The following RUBCN variants were observed in gnomAD, a reference collection of about 807,000 sequenced individuals.
RUBCN encodes the protein rubicon autophagy regulator.
Under a neutral mutation model 113.2 loss-of-function variants are expected in RUBCN, and 74 were observed. The ratio of observed to expected loss-of-function variants is 0.65; its 90% CI spans 0.54 to 0.79. The LOEUF (loss-of-function observed/expected upper bound fraction) is 0.79. Ranked by LOEUF, RUBCN falls within the 30% of genes least tolerant of loss-of-function variation. The probability of loss-of-function intolerance (pLI) is 0.00; values close to 1 mark genes in which losing one functional copy is unlikely to be tolerated. For missense variants in RUBCN, 1,109 were observed against 1,251.7 expected (o/e 0.89, Z 1.72); for synonymous variants, 480 against 490.0 (o/e 0.98, Z 0.27).
rs937853746 is a variant in RUBCN, at chr3:197,675,964, T to C, written c.2647-449A>G. ...TTCCTCCCAGACACACAGGGTTTCC[T>C]ACCTGTGCCCAGCTCGAATTATGGG... On this transcript the variant is annotated intron_variant, in intron 18 of 19. Coordinates refer to ENST00000296343, the MANE Select transcript of RUBCN (RefSeq NM_014687.4). The surrounding 1 kb of genome is among the most constrained non-coding windows in gnomAD (Gnocchi z 4.4). 6.6e-6 allele frequency among the ~76,000 whole-genome samples: 1 copy of C among 152,218 alleles called. No individual in the cohort carries two copies. Among genetic ancestry groups the C allele is most frequent in the Non-Finnish European group, 1.5e-5 (1 of 68,036 alleles).
intron 2 of RUBCN, among the ~76,000 whole-genome samples, chr3:197,717,018 G>C (rs1725588577): frequency 6.6e-6 from 1 of 152,226 alleles, no homozygotes; most frequent in Non-Finnish European, 1.5e-5. Context: ...CTACTTGGGA[G>C]GCTGAGGTGG....
chr3:197,747,754 C>T (rs1310496469), intron 1 of RUBCN, among the ~76,000 whole-genome samples: 1 of 152,080 alleles, frequency 6.6e-6, no homozygotes, highest in Non-Finnish European at 1.5e-5. Flanking sequence ...ATGACTTGTG[C>T]TTAGAGGATT....
rs1721547513 is a variant in RUBCN at position 197,683,973 on chromosome 3, C to T, written c.1847+184G>A. 6.6e-6 allele frequency among the ~76,000 whole-genome samples: 1 copy of T among 152,302 alleles called. No homozygotes were observed. The highest frequency in any genetic ancestry group is 2.1e-4 in the South Asian group (1 of 4,822). On this transcript the variant is annotated intron_variant, in intron 12 of 19. Coordinates refer to ENST00000296343, the MANE Select transcript of RUBCN (RefSeq NM_014687.4). The surrounding 1 kb of genome is among the most constrained non-coding windows in gnomAD (Gnocchi z 4.6). ...GCTTTGCCTCCACGAGAGCCCATCC[C>T]ACTGGGACCAAAGAGCTTCTGCTTT...
chr3:197,696,079 G>C (rs1722967786), intron 8 of RUBCN, 98 bp from the exon 9 acceptor site: 1 of 1,173,334 alleles, frequency 8.5e-7, no homozygotes, highest in African/African-American at 1.5e-5. Context: ...AGGTAACTGG[G>C]AATTAGAGGT....
In RUBCN at chr3:197,670,508, G is replaced by A. The variant is rs950054808; in HGVS notation, c.*4510C>T. Among the ~76,000 whole-genome samples, 2 of 152,200 alleles carry A rather than the reference G, an allele frequency of 1.3e-5. No individual in the cohort carries two copies. The highest frequency in any genetic ancestry group is 2.9e-5 in the Non-Finnish European group (2 of 68,044). Reference sequence around the variant, plus strand: ...TTAAATGTTGAGAACAGAAGTTTGGGAACTTACTGGAAATCAAGCTTTGGC... The same window carrying A: ...TTAAATGTTGAGAACAGAAGTTTGGAAACTTACTGGAAATCAAGCTTTGGC... On this transcript the variant is annotated 3_prime_UTR_variant, in exon 20 of 20. Transcript: ENST00000296343.
At chr3:197,716,988 G>A (rs146920354) in intron 2 of RUBCN, among the ~76,000 whole-genome samples, 18 of 152,290 alleles carry the variant, frequency 1.2e-4, no homozygotes, top group Admixed American at 2.6e-4. Flanking sequence ...AGGTGTGGTT[G>A]CATGTGCCCG....
At position 197,674,645 on chromosome 3, in the gene RUBCN, G is replaced by T; in HGVS notation, c.*373C>A. ...CAGAAGCTCCAGAACTGAAACAAAG[G>T]AAAATTGGAAATGATACCTGACATG... On this transcript the variant is annotated 3_prime_UTR_variant, in exon 20 of 20. Coordinates refer to ENST00000296343, the MANE Select transcript of RUBCN (RefSeq NM_014687.4). The T allele has an allele frequency of 2.4e-6, 1 of 418,454 alleles. No individual in the cohort carries two copies. The allele number at this position is 418,454 out of a possible 1,614,324, so 25.9% of individuals were successfully genotyped here. A position where few individuals can be genotyped will look rare whatever the true frequency, so the allele number is the denominator to read the frequency against.
At chr3:197,731,789 G>A (rs373751863) in intron 1 of RUBCN, among the ~76,000 whole-genome samples, 16 of 151,724 alleles carry the variant, frequency 1.1e-4, no homozygotes, top group East Asian at 7.8e-4. Context: ...GCGGCTGGCC[G>A]GGCGGGGGGC....
intron 11 of RUBCN, among the ~76,000 whole-genome samples, chr3:197,690,445 A>G (rs1290844883): frequency 6.6e-6 from 1 of 152,236 alleles, no homozygotes; most frequent in Non-Finnish European, 1.5e-5. Flanking sequence ...TCTCAAAAAA[A>G]ATACAAAAGT....
Position 197,675,329 on chromosome 3 carries a change from G to A in RUBCN, c.2740+93C>T. ...CTGGGGAGGCCCCGCGAGGTGCTGA[G>A]TGGCACCGAACTCTTGCTAACAGGG... On this transcript the variant is annotated intron_variant, in intron 19 of 19. Coordinates refer to ENST00000296343, the MANE Select transcript of RUBCN (RefSeq NM_014687.4). The surrounding 1 kb of genome is among the most constrained non-coding windows in gnomAD (Gnocchi z 4.4). 1 of 1,497,364 alleles carries A rather than the reference G, an allele frequency of 6.7e-7. No individual in the cohort carries two copies. The highest frequency in any genetic ancestry group is 1.1e-5 in the South Asian group (1 of 88,560). 92.8% of individuals were successfully genotyped at this position (1,497,364 alleles called of 1,614,324 possible).
At chr3:197,705,596 A>T (rs113006308) in intron 2 of RUBCN, among the ~76,000 whole-genome samples, 4,375 of 143,474 alleles carry the variant, frequency 0.03, 138 homozygotes, top group African/African-American at 0.08. Flanking sequence ...AAAAGGAATT[A>T]AAAAAAAAAA....
At chr3:197,737,711 G>A (rs566135267), upstream of RUBCN, among the ~76,000 whole-genome samples, 28 of 152,284 alleles carry the variant, frequency 1.8e-4, no homozygotes, top group African/African-American at 5.8e-4. Flanking sequence ...AATCTGATGA[G>A]AAAGCCACTT....
intron 7 of RUBCN, 133 bp downstream of exon 7, chr3:197,700,480 A>G (rs1723518885): frequency 1.2e-6 from 1 of 824,440 alleles, no homozygotes; most frequent in Non-Finnish European, 2.0e-6. Context: ...AACTTCTTTC[A>G]TTACAAAATA....
At chr3:197,733,785 A>G (rs561607647) in intron 1 of RUBCN, among the ~76,000 whole-genome samples, 5 of 152,368 alleles carry the variant, frequency 3.3e-5, no homozygotes, top group African/African-American at 7.2e-5. Flanking sequence ...AGTTTTGATT[A>G]AAGTTTTTTG....
At position 197,681,078 on chromosome 3, in the gene RUBCN, T is replaced by A; in HGVS notation, c.2430+51A>T. 1.0e-6 allele frequency: 1 copy of A among 965,154 alleles called. No individual in the cohort carries two copies. The highest frequency in any genetic ancestry group is 1.6e-6 in the Non-Finnish European group (1 of 639,014). The allele number at this position is 965,154 out of a possible 1,614,324, so 59.8% of individuals were successfully genotyped here. A position where few individuals can be genotyped will look rare whatever the true frequency, so the allele number is the denominator to read the frequency against. On this transcript the variant is annotated intron_variant, in intron 16 of 19. Transcript: ENST00000296343. The surrounding 1 kb of genome is among the most constrained non-coding windows in gnomAD (Gnocchi z 5.5). ...ACGGGGGAGGGACGAGGGGAGGGGATGAGGGGAGGAGAAGGGCAAGACTCT... is the reference window on the plus strand; with the variant it reads ...ACGGGGGAGGGACGAGGGGAGGGGAAGAGGGGAGGAGAAGGGCAAGACTCT...
Position 197,704,428 on chromosome 3 carries a change from C to T in RUBCN, c.463+114G>A, listed in dbSNP as rs1724049913. The T allele has an allele frequency of 5.1e-6, 5 of 986,306 alleles. No individual in the cohort carries two copies. In the Admixed American group the frequency reaches 8.5e-5, roughly 17 times the overall value. The allele number at this position is 986,306 out of a possible 1,614,324, so 61.1% of individuals were successfully genotyped here. On this transcript the variant is annotated intron_variant, in intron 4 of 19. Coordinates refer to ENST00000296343, the MANE Select transcript of RUBCN (RefSeq NM_014687.4). ...CAGCCTGGGTGACAAGAGCGTAAGTCCATCTCAAAGAAAAAAAGAAAAATA... is the reference window on the plus strand; with the variant it reads ...CAGCCTGGGTGACAAGAGCGTAAGTTCATCTCAAAGAAAAAAAGAAAAATA...
Position 197,672,303 on chromosome 3 carries a change from G to A in RUBCN, c.*2715C>T, listed in dbSNP as rs958737760. On this transcript the variant is annotated 3_prime_UTR_variant, in exon 20 of 20. Transcript: ENST00000296343. ...ACTTACAGAAAGAACACTATCACCT[G>A]CCTTCATTTAGAAGGAATTCTCTTC... The A allele has an allele frequency of 6.6e-6, 1 of 152,098 alleles. No homozygotes were observed. The highest frequency in any genetic ancestry group is 2.4e-5 in the African/African-American group (1 of 41,394). The allele number at this position is 152,098 out of a possible 1,614,324, so 9.4% of individuals were successfully genotyped here. A position where few individuals can be genotyped will look rare whatever the true frequency, so the allele number is the denominator to read the frequency against.
At position 197,690,042 on chromosome 3, in the gene RUBCN, G is replaced by A. The variant is rs555062494; in HGVS notation, c.1786+3673C>T. Among the ~76,000 whole-genome samples, 25 of 152,284 alleles carry A rather than the reference G, an allele frequency of 1.6e-4. No individual in the cohort carries two copies. The South Asian group carries it at 1.9e-3, about 11-fold the overall frequency. ...TTTTTTAGCTCCCACATATGAGTGAGAACACGGGAGCTCCTGTAATATTTG... is the reference window on the plus strand; with the variant it reads ...TTTTTTAGCTCCCACATATGAGTGAAAACACGGGAGCTCCTGTAATATTTG... On this transcript the variant is annotated intron_variant, in intron 11 of 19. Coordinates refer to ENST00000296343, the MANE Select transcript of RUBCN (RefSeq NM_014687.4).
chr3:197,707,963 C>CA (rs368244493), intron 2 of RUBCN, among the ~76,000 whole-genome samples: 16,400 of 134,130 alleles, frequency 0.12, 1,051 homozygotes, highest in African/African-American at 0.19. Flanking sequence ...TACTCTGTCT[C>CA]AAAAAAAAAA....
Sources: gnomAD v4.1 joint callset for allele counts (sites outside exome capture counted in the v4.1 genomes callset) on GRCh38, gnomAD v4.1.1 for gene constraint, Gnocchi (gnomAD v3.1) non-coding constraint, MANE v1.5 for transcripts, NCBI Gene and HGNC (gene_info 2026-07-23, HGNC 2026-07-21) for gene names.